SRCAP: variants seen among roughly 807,000 people sequenced by gnomAD.
SRCAP encodes the protein chromatin remodeling protein SRCAP.
A neutral mutation model predicts 263.1 loss-of-function variants in SRCAP; 46 were observed. The ratio of observed to expected loss-of-function variants is 0.17; its 90% CI spans 0.14 to 0.22. SRCAP has a LOEUF of 0.22. Ranked by LOEUF, SRCAP falls within the 10% of genes least tolerant of loss-of-function variation. The pLI, the probability that SRCAP is intolerant of heterozygous loss-of-function variation, is 1.00. For missense variants in SRCAP, 3,695 were observed against 4,181.9 expected (o/e 0.88, Z 3.21); for synonymous variants, 1,813 against 1,662.1 (o/e 1.09, Z -2.21).
chr16:30,728,995 GC>G lies in SRCAP; in HGVS notation c.5689del (p.Arg1897GlyfsTer70). 1 of 1,613,840 alleles carries G rather than the reference GC, an allele frequency of 6.2e-7. No homozygotes were observed. Among genetic ancestry groups the G allele is most frequent in the Non-Finnish European group, 8.5e-7 (1 of 1,179,768 alleles). ...CCCTGGAGGAAAAGCGGAAGCGGCAGCGGTCTGAACGCCTGGAACGGATTTT... is the reference window on the plus strand; with the variant it reads ...CCCTGGAGGAAAAGCGGAAGCGGCAGGGTCTGAACGCCTGGAACGGATTTT... ...DSLEEKRKRQ[R>X]SERLERIFQL... is the part of the protein sequence containing the mutation. On this transcript the variant is annotated frameshift_variant, in exon 26 of 34. Transcript: ENST00000262518. LOFTEE classifies it high-confidence loss of function.
In SRCAP at chr16:30,709,771, T is replaced by C. The variant is rs748332204; in HGVS notation, c.856+36T>C. On this transcript the variant is annotated intron_variant, in intron 7 of 33. Coordinates refer to ENST00000262518, the MANE Select transcript of SRCAP (RefSeq NM_006662.3). ...TCTTTGGTCCTGTTACTCTTCCTCA[T>C]GTACCCTTTCCAGAGCTGAAAAACC... 5.0e-6 allele frequency: 8 copies of C among 1,613,972 alleles called. No individual in the cohort carries two copies. The South Asian group carries it at 6.6e-5, about 13-fold the overall frequency.
intron 20 of SRCAP, 92 bp from the exon 21 acceptor site, chr16:30,721,097 T>C (rs1014711078): frequency 2.0e-6 from 3 of 1,536,126 alleles, no homozygotes; most frequent in Middle Eastern, 1.8e-4. Context: ...GGTCTAGTAT[T>C]TGATGGGTTG....
chr16:30,700,314 A>G (rs975907308), intron 2 of SRCAP, among the ~76,000 whole-genome samples: 2 of 152,212 alleles, frequency 1.3e-5, no homozygotes, highest in African/African-American at 4.8e-5. Context: ...AACAGATTAT[A>G]TTAGAATGTA....
rs192066047 is a variant in SRCAP, at chr16:30,739,780, A to G, written c.*47A>G. 12,619 of 1,449,406 alleles carry G rather than the reference A, an allele frequency of 8.7e-3. 73 individuals are homozygous for G. The highest frequency in any genetic ancestry group is 0.01 in the Non-Finnish European group (11,269 of 1,099,084). 89.8% of individuals were successfully genotyped at this position (1,449,406 alleles called of 1,614,324 possible). A position where few individuals can be genotyped will look rare whatever the true frequency, so the allele number is the denominator to read the frequency against. Reference sequence around the variant, plus strand: ...GCTTTCCACCGTGGCCACTCCCTCCATGACCAGGCCTGACTCTGTTAACCA... The same window carrying G: ...GCTTTCCACCGTGGCCACTCCCTCCGTGACCAGGCCTGACTCTGTTAACCA... On this transcript the variant is annotated 3_prime_UTR_variant, in exon 34 of 34. Coordinates refer to ENST00000262518, the MANE Select transcript of SRCAP (RefSeq NM_006662.3).
intron 18 of SRCAP, among the ~76,000 whole-genome samples, chr16:30,719,813 C>G (rs2151292207): frequency 6.6e-6 from 1 of 152,254 alleles, no homozygotes. Flanking sequence ...CGTGCCTAGC[C>G]TTTTATTTTG....
In SRCAP at chr16:30,733,557, G is replaced by T. The variant is rs773252330; in HGVS notation, c.6298-45G>T. On this transcript the variant is annotated intron_variant, in intron 28 of 33. Coordinates refer to ENST00000262518, the MANE Select transcript of SRCAP (RefSeq NM_006662.3). This position sits in a 1 kb window ranked among gnomAD's most constrained non-coding sequence, Gnocchi z 5.3. ...CCACTAAGCCTTTAGACCTGTTTTG[G>T]GGGATAAGTCTCCCAGTATCATCTT... The T allele has an allele frequency of 1.2e-6, 2 of 1,603,210 alleles. No homozygotes were observed. The highest frequency in any genetic ancestry group is 1.7e-6 in the Non-Finnish European group (2 of 1,172,974).
At position 30,734,017 on chromosome 16, in the gene SRCAP, T is replaced by A; in HGVS notation, c.6609+9T>A. On this transcript the variant is annotated intron_variant, in intron 30 of 33. Coordinates refer to ENST00000262518, the MANE Select transcript of SRCAP (RefSeq NM_006662.3). ...CAGCCTATTTCAAACAGGTACTAAG[T>A]AAGATCTTTTAGCCTATGCAGGAGA... 1 of 1,590,500 alleles carries A rather than the reference T, an allele frequency of 6.3e-7. No homozygotes were observed. Among genetic ancestry groups the A allele is most frequent in the Non-Finnish European group, 8.6e-7 (1 of 1,167,392 alleles).
In SRCAP at chr16:30,738,494, C is replaced by T. The variant is rs140511721; in HGVS notation, c.8454C>T (p.Pro2818=). 3.2e-4 allele frequency: 506 copies of T among 1,605,576 alleles called. 3 individuals are homozygous for T. In the African/African-American group the frequency reaches 6.0e-3, roughly 19 times the overall value. Residue 2818 remains proline, a synonymous_variant, in exon 34 of 34, where the codon CCC becomes CCT. Transcript: ENST00000262518. ...PCEAAPSSSL[P]TPPQQPFIAR... ...AAGCTGCTCCTTCATCCTCACTGCC[C>T]ACTCCACCCCAGCAGCCCTTCATTG...
intron 18 of SRCAP, among the ~76,000 whole-genome samples, chr16:30,716,735 T>C (rs1273098445): frequency 6.6e-6 from 1 of 152,226 alleles, no homozygotes; most frequent in Non-Finnish European, 1.5e-5. Flanking sequence ...CAGCTTACAA[T>C]TTTTTACTTT....
At chr16:30,718,447 G>T (rs1049200046) in intron 18 of SRCAP, among the ~76,000 whole-genome samples, 1 of 151,704 alleles carries the variant, frequency 6.6e-6, no homozygotes, top group Non-Finnish European at 1.5e-5. Flanking sequence ...AAAGTGCTGG[G>T]ATTACAGGTG....
At position 30,713,519 on chromosome 16, in the gene SRCAP, C is replaced by T. The variant is rs1596648649; in HGVS notation, c.2301C>T (p.Ser767=). Residue 767 remains serine, a splice_region_variant and synonymous_variant, in exon 16 of 34, where the codon AGC becomes AGT. Transcript: ENST00000262518. The part of the protein sequence containing the change: ...QRWQSLLNFN[S]QRRLLLTGTP... ...TCTGATTCTCTCTGTCTCTTTGCAG[C>T]CAGAGACGCCTGCTCCTGACAGGAA... 1 of 1,613,848 alleles carries T rather than the reference C, an allele frequency of 6.2e-7. No individual in the cohort carries two copies. Among genetic ancestry groups the T allele is most frequent in the South Asian group, 1.1e-5 (1 of 91,056 alleles).
In SRCAP at chr16:30,737,863, G is replaced by A. The variant is rs766776306; in HGVS notation, c.7823G>A (p.Ser2608Asn). 18 of 1,614,190 alleles carry A rather than the reference G, an allele frequency of 1.1e-5. No homozygotes were observed. The highest frequency in any genetic ancestry group is 1.5e-5 in the Non-Finnish European group (18 of 1,180,036). Residue 2608 changes from serine (S) to asparagine (N), a missense_variant, in exon 34 of 34, where the codon AGC becomes AAC. By Grantham distance (46) the Ser-to-Asn change is conservative (BLOSUM62 1). Around this residue, in one of 12 missense-constraint regions of SRCAP, gnomAD observed 1,207 missense variants for 1,142.9 expected, o/e 1.06. Coordinates refer to ENST00000262518, the MANE Select transcript of SRCAP (RefSeq NM_006662.3). ...CTTTCTCTCACCCCTTCTGCACCCA[G>A]CCTGACCTTGGAGGCTGGCAGCATC... ...KNLSLTPSAPSLTLEAGSIPN... is the reference protein window; with the variant it reads ...KNLSLTPSAPNLTLEAGSIPN...
rs1047665641 is a variant in SRCAP at position 30,738,741 on chromosome 16, C to G, written c.8701C>G (p.Leu2901Val). 1.1e-5 allele frequency: 18 copies of G among 1,613,976 alleles called. No individual in the cohort carries two copies. The highest frequency in any genetic ancestry group is 1.5e-5 in the Non-Finnish European group (18 of 1,180,014). The change falls in exon 34 of 34, where the codon CTA (leucine) becomes GTA (valine). Residue 2901 changes from leucine to valine, a missense_variant. By Grantham distance (32) the Leu-to-Val change is conservative. This residue lies in a region of SRCAP where 1,207 missense variants were observed against 1,142.9 expected (regional missense o/e 1.06). Transcript: ENST00000262518. ...GADPVPGPET[L>V]IVADPVLEPQ... ...TGACCCAGTCCCTGGGCCTGAGACC[C>G]TAATTGTTGCAGATCCTGTCCTGGA...
intron 7 of SRCAP, 33 bp from the exon 8 acceptor site, chr16:30,709,818 C>T (rs777523516): frequency 6.2e-6 from 10 of 1,613,218 alleles, no homozygotes; most frequent in African/African-American, 2.7e-5. Context: ...TTGCAGGGCC[C>T]GTGGACTTTG....
At chr16:30,703,248 G>A (rs1045171302) in intron 3 of SRCAP, among the ~76,000 whole-genome samples, 8 of 151,002 alleles carry the variant, frequency 5.3e-5, no homozygotes, top group East Asian at 2.0e-4. Flanking sequence ...GCAGTGGCGC[G>A]ATCTCGGCTC....
chr16:30,715,555 A>G (rs1302485159), intron 16 of SRCAP, among the ~76,000 whole-genome samples: 1 of 150,968 alleles, frequency 6.6e-6, no homozygotes, highest in African/African-American at 2.4e-5. Flanking sequence ...ACAGAGCGCA[A>G]CTTTGTATCA....
At chr16:30,729,728 G>A (rs1314448767) in intron 27 of SRCAP, among the ~76,000 whole-genome samples, 156 bp downstream of exon 27, 1 of 152,168 alleles carries the variant, frequency 6.6e-6, no homozygotes, top group Non-Finnish European at 1.5e-5. Context: ...ATAGAGAAAT[G>A]TAAGCCTTGT....
Position 30,722,623 on chromosome 16 carries a change from AT to A in SRCAP, c.3768del (p.His1256GlnfsTer48). 1 of 1,613,850 alleles carries A rather than the reference AT, an allele frequency of 6.2e-7. No homozygotes were observed. The highest frequency in any genetic ancestry group is 8.5e-7 in the Non-Finnish European group (1 of 1,179,964). On this transcript the variant is annotated frameshift_variant, in exon 23 of 34. Transcript: ENST00000262518. LOFTEE classifies it high-confidence loss of function. ...GQHHLISQPA[H>X]VALIQAVAPT... ...CACCATCTCATCAGCCAGCCTGCCCATGTGGCCCTCATCCAGGCCGTGGCCC... is the reference window on the plus strand; with the variant it reads ...CACCATCTCATCAGCCAGCCTGCCCAGTGGCCCTCATCCAGGCCGTGGCCC...
chr16:30,724,873 G>A lies in SRCAP; in HGVS notation c.5449G>A (p.Ala1817Thr), dbSNP rs776249654. 6.2e-7 allele frequency: 1 copy of A among 1,614,198 alleles called. No homozygotes were observed. The highest frequency in any genetic ancestry group is 8.5e-7 in the Non-Finnish European group (1 of 1,180,038). Residue 1817 changes from alanine (A) to threonine (T), a missense_variant, in exon 25 of 34, where the codon GCT (alanine) becomes ACT (threonine). Transcript: ENST00000262518. ...GGCCCCAGCCTCCACACAGTCCCCA[G>A]CTTCCCAGGCATCTTCCCTTGTGGT... ...ALAPASTQSPASQASSLVVSA... is the reference protein window; with the variant it reads ...ALAPASTQSPTSQASSLVVSA...
Sources: gnomAD v4.1 joint callset for allele counts (sites outside exome capture counted in the v4.1 genomes callset) on GRCh38, gnomAD v4.1.1 for gene constraint, gnomAD v4.1.1 regional missense constraint, Gnocchi (gnomAD v3.1) non-coding constraint, MANE v1.5 for transcripts, NCBI Gene and HGNC (gene_info 2026-07-23, HGNC 2026-07-21) for gene names.